Variants in RPS6KC1 observed in about 807,000 individuals in gnomAD.
RPS6KC1 encodes inactive ribosomal protein S6 kinase delta-1.
Under a neutral mutation model 103.8 loss-of-function variants are expected in RPS6KC1, and 54 were observed. That is an observed-to-expected ratio of 0.52 (90% confidence interval 0.42 to 0.65). The LOEUF is 0.65. Among genes scored for constraint, RPS6KC1 ranks in the 30% least tolerant of loss-of-function variants. RPS6KC1 has a pLI of 0.00. For synonymous variants in RPS6KC1, 439 were observed against 438.7 expected, an observed-to-expected ratio of 1.00 and a Z score of -0.01; for missense variants, 1,151 against 1,253.8, an observed-to-expected ratio of 0.92 and a Z score of 1.24.
the RPS6KC1 span, among the ~76,000 whole-genome samples, chr1:213,454,131 C>T: frequency 2.1e-5 from 3 of 140,548 alleles, no homozygotes; most frequent in South Asian, 6.6e-4. Context: ...TTAATATATG[C>T]AGATTTTTGA....
Position 213,130,599 on chromosome 1 carries a change from G to A in RPS6KC1, c.835+710G>A, listed in dbSNP as rs755110184. Among the ~76,000 whole-genome samples the A allele has an allele frequency of 1.6e-4, 24 of 152,102 alleles. No individual in the cohort carries two copies. In the Middle Eastern group the frequency reaches 0.01, roughly 65 times the overall value. Reference sequence around the variant, plus strand: ...ATTGTTCTGTGGTCTTGGGTTTGTCGGTACCATTCAGATTACCAGTCTCCT... The same window carrying A: ...ATTGTTCTGTGGTCTTGGGTTTGTCAGTACCATTCAGATTACCAGTCTCCT... On this transcript the variant is annotated intron_variant, in intron 6 of 14. Transcript: ENST00000366960.
At chr1:213,527,172 C>A in the RPS6KC1 span, among the ~76,000 whole-genome samples, 1 of 152,188 alleles carries the variant, frequency 6.6e-6, no homozygotes. Flanking sequence ...AGAATCACAT[C>A]TCTTTATCTT....
At chr1:213,421,249 T>G in the RPS6KC1 span, among the ~76,000 whole-genome samples, 8 of 152,034 alleles carry the variant, frequency 5.3e-5, no homozygotes, top group Admixed American at 2.0e-4. Flanking sequence ...GTAGCTGGGA[T>G]TACAGGTGCG....
At chr1:213,184,379 A>G (rs1291913267) in intron 8 of RPS6KC1, among the ~76,000 whole-genome samples, 1 of 152,090 alleles carries the variant, frequency 6.6e-6, no homozygotes. Flanking sequence ...TTAATTCTAT[A>G]CCATGAATTT....
the RPS6KC1 span, among the ~76,000 whole-genome samples, chr1:213,335,054 T>A: frequency 2.6e-5 from 4 of 152,284 alleles, no homozygotes; most frequent in South Asian, 8.3e-4. Context: ...CCTCTCCCCA[T>A]AATAATCCTG....
the RPS6KC1 span, among the ~76,000 whole-genome samples, chr1:213,751,512 C>T: frequency 6.6e-6 from 1 of 152,198 alleles, no homozygotes; most frequent in Non-Finnish European, 1.5e-5. Context: ...CCAGAGTCCC[C>T]ATACCACCTG....
At chr1:213,233,967 A>G (rs1191787554) in intron 10 of RPS6KC1, among the ~76,000 whole-genome samples, 1 of 151,676 alleles carries the variant, frequency 6.6e-6, no homozygotes, top group Non-Finnish European at 1.5e-5. Flanking sequence ...TGTACTGTAG[A>G]GTAGGCTCCT....
the RPS6KC1 span, among the ~76,000 whole-genome samples, chr1:213,640,584 A>G: frequency 2.6e-5 from 4 of 151,610 alleles, no homozygotes; most frequent in Non-Finnish European, 5.9e-5. Context: ...GGTTAGTCCC[A>G]TAGATTTTCA....
chr1:213,717,759 A>G, the RPS6KC1 span, among the ~76,000 whole-genome samples: 1 of 152,226 alleles, frequency 6.6e-6, no homozygotes, highest in Non-Finnish European at 1.5e-5. Context: ...ATAAATATTT[A>G]TGGAATAGAA....
chr1:213,191,613 A>G (rs1302702908), intron 8 of RPS6KC1, among the ~76,000 whole-genome samples: 1 of 151,968 alleles, frequency 6.6e-6, no homozygotes, highest in Non-Finnish European at 1.5e-5. Context: ...TTCCTTTTCA[A>G]TTTAGATGCT....
the RPS6KC1 span, among the ~76,000 whole-genome samples, chr1:213,646,882 CAT>C: frequency 7.5e-5 from 11 of 147,118 alleles, no homozygotes; most frequent in Middle Eastern, 3.6e-3. Flanking sequence ...TGTGTGTATG[CAT>C]ATATATATAT....
rs145222791 is a variant in RPS6KC1 at position 213,110,322 on chromosome 1, C to T, written c.378+5753C>T. The stretch of plus-strand genomic sequence containing the variant: ...GAAAATCTATATTTTGGATAATATA[C>T]GATAGAACTCTAAGTTCTGATGTTT... On this transcript the variant is annotated intron_variant, in intron 4 of 14. Coordinates refer to ENST00000366960, the MANE Select transcript of RPS6KC1 (RefSeq NM_012424.6). Among the ~76,000 whole-genome samples the T allele has an allele frequency of 9.9e-5, 15 of 152,098 alleles. No homozygotes were observed. The East Asian group carries it at 2.1e-3, about 22-fold the overall frequency.
intron 1 of RPS6KC1, among the ~76,000 whole-genome samples, chr1:213,058,415 TC>T: frequency 6.6e-6 from 1 of 152,184 alleles, no homozygotes; most frequent in Admixed American, 6.5e-5. Context: ...TATATTTTGC[TC>T]TATGATCCAT....
intron 6 of RPS6KC1, among the ~76,000 whole-genome samples, chr1:213,151,955 G>A (rs2089089893): frequency 7.7e-6 from 1 of 129,416 alleles, no homozygotes; most frequent in Non-Finnish European, 1.7e-5. Flanking sequence ...CTCCCGGATG[G>A]GGCGGCTGGC....
chr1:213,727,004 C>T, the RPS6KC1 span, among the ~76,000 whole-genome samples: 55 of 152,330 alleles, frequency 3.6e-4, no homozygotes, highest in African/African-American at 1.3e-3. Flanking sequence ...ACCCCCTCAG[C>T]CATGGGGCGG....
the RPS6KC1 span, among the ~76,000 whole-genome samples, chr1:213,437,541 A>G: frequency 6.6e-6 from 1 of 152,006 alleles, no homozygotes; most frequent in African/African-American, 2.4e-5. Context: ...AGTTGATGTA[A>G]GATTGGGGCT....
chr1:213,558,642 C>T, the RPS6KC1 span, among the ~76,000 whole-genome samples: 1 of 152,216 alleles, frequency 6.6e-6, no homozygotes. Flanking sequence ...TAAGTTTAGA[C>T]TGAAGCTGCC....
chr1:213,166,632 A>G (rs531304365), intron 6 of RPS6KC1, among the ~76,000 whole-genome samples: 82 of 152,256 alleles, frequency 5.4e-4, no homozygotes, highest in African/African-American at 1.8e-3. Context: ...CCCCACCAAG[A>G]CCAGTTATAT....
At chr1:213,519,029 T>C in the RPS6KC1 span, among the ~76,000 whole-genome samples, 1 of 152,194 alleles carries the variant, frequency 6.6e-6, no homozygotes, top group Non-Finnish European at 1.5e-5. Flanking sequence ...CTCTGAATTT[T>C]ATATAACAAC....
Sources: gnomAD v4.1 joint callset for allele counts (sites outside exome capture counted in the v4.1 genomes callset) on GRCh38, gnomAD v4.1.1 for gene constraint, MANE v1.5 for transcripts, NCBI Gene and HGNC (gene_info 2026-07-23, HGNC 2026-07-21) for gene names.